Variants in SLC16A10 observed in about 807,000 individuals in gnomAD.
SLC16A10 encodes solute carrier family 16 member 10.
Under a neutral mutation model 40.0 loss-of-function variants are expected in SLC16A10, and 27 were observed. The ratio of observed to expected loss-of-function variants is 0.67; its 90% CI spans 0.50 to 0.93. SLC16A10 has a LOEUF of 0.93. Ranked by LOEUF, SLC16A10 falls within the 40% of genes least tolerant of loss-of-function variation. The probability of loss-of-function intolerance (pLI) is 0.00; values close to 1 mark genes in which losing one functional copy is unlikely to be tolerated. For synonymous variants in SLC16A10, 213 were observed against 249.8 expected, an observed-to-expected ratio of 0.85 and a Z score of 1.39; for missense variants, 529 against 658.2, an observed-to-expected ratio of 0.80 and a Z score of 2.15.
chr6:111,150,904 C>A (rs1483597712), intron 1 of SLC16A10, among the ~76,000 whole-genome samples: 2 of 152,086 alleles, frequency 1.3e-5, no homozygotes, highest in African/African-American at 2.4e-5. Flanking sequence ...TTTTTGATCT[C>A]CACAACATAA....
chr6:111,198,708 GTTA>G, intron 3 of SLC16A10, among the ~76,000 whole-genome samples: 1 of 152,192 alleles, frequency 6.6e-6, no homozygotes, highest in Non-Finnish European at 1.5e-5. Context: ...GACCAGAAAT[GTTA>G]TTATGTAGCA....
chr6:111,148,578 A>C (rs1361637959), intron 1 of SLC16A10, among the ~76,000 whole-genome samples: 1 of 152,206 alleles, frequency 6.6e-6, no homozygotes, highest in Non-Finnish European at 1.5e-5. Flanking sequence ...TGTTTTTAGA[A>C]TATTAAGGCT....
chr6:111,090,711 G>C (rs1015713373), intron 1 of SLC16A10, among the ~76,000 whole-genome samples: 2 of 152,184 alleles, frequency 1.3e-5, no homozygotes, highest in African/African-American at 2.4e-5. Context: ...CTGCTTTGAA[G>C]TTTGATTGGT....
chr6:111,196,046 C>A (rs1773075028), intron 3 of SLC16A10, among the ~76,000 whole-genome samples: 1 of 87,108 alleles, frequency 1.1e-5, no homozygotes, highest in Non-Finnish European at 2.8e-5. Context: ...TAGTGAGATG[C>A]CATCTCTACA....
chr6:111,142,710 C>G (rs920050528), intron 1 of SLC16A10, among the ~76,000 whole-genome samples: 10 of 152,188 alleles, frequency 6.6e-5, no homozygotes, highest in African/African-American at 2.4e-4. Context: ...ATCCAAAACA[C>G]TGACAACACC....
At chr6:111,147,462 T>C (rs942635232) in intron 1 of SLC16A10, among the ~76,000 whole-genome samples, 1 of 152,322 alleles carries the variant, frequency 6.6e-6, no homozygotes, top group Middle Eastern at 3.4e-3. Context: ...ATAATGTGAT[T>C]GGTCAGTACT....
In SLC16A10 at chr6:111,224,981, C is replaced by G. The variant is rs1211648184; in HGVS notation, c.*2746C>G. ...ATTCGAAAGGTTCTGGCATTTGAGGCCAAAAAAAGCATGAAAGGGAGTAAC... is the reference window on the plus strand; with the variant it reads ...ATTCGAAAGGTTCTGGCATTTGAGGGCAAAAAAAGCATGAAAGGGAGTAAC... On this transcript the variant is annotated 3_prime_UTR_variant, in exon 6 of 6. Transcript: ENST00000368851. 1 of 151,864 alleles carries G rather than the reference C, an allele frequency of 6.6e-6. No individual in the cohort carries two copies. The highest frequency in any genetic ancestry group is 2.4e-5 in the African/African-American group (1 of 41,348). The allele number at this position is 151,864 out of a possible 1,614,324, so 9.4% of individuals were successfully genotyped here.
At chr6:111,219,456 A>G (rs990297413) in intron 5 of SLC16A10, among the ~76,000 whole-genome samples, 15 of 151,996 alleles carry the variant, frequency 9.9e-5, no homozygotes, top group Non-Finnish European at 1.5e-4. Flanking sequence ...TTGAGCCCAG[A>G]GGTCAAGGCT....
chr6:111,174,059 A>G (rs1017485168), intron 2 of SLC16A10, among the ~76,000 whole-genome samples: 1 of 152,172 alleles, frequency 6.6e-6, no homozygotes, highest in Non-Finnish European at 1.5e-5. Context: ...CTGCAGCTCT[A>G]GTTCTCCTTG....
chr6:111,141,827 T>A (rs1206188059), intron 1 of SLC16A10, among the ~76,000 whole-genome samples: 2 of 152,220 alleles, frequency 1.3e-5, no homozygotes, highest in Non-Finnish European at 2.9e-5. Flanking sequence ...AGATATTCCA[T>A]GTTCATGGAT....
chr6:111,170,858 C>A (rs1359406753), intron 1 of SLC16A10, among the ~76,000 whole-genome samples: 2 of 152,090 alleles, frequency 1.3e-5, no homozygotes, highest in Non-Finnish European at 2.9e-5. Flanking sequence ...TCTTACTAGT[C>A]TGGGTGTGGT....
At chr6:111,149,800 CTT>C (rs1209084860) in intron 1 of SLC16A10, among the ~76,000 whole-genome samples, 3 of 152,096 alleles carry the variant, frequency 2.0e-5, no homozygotes, top group Non-Finnish European at 4.4e-5. Flanking sequence ...ATATTTAACT[CTT>C]TTTGTGCTAC....
At chr6:111,135,128 C>G (rs1409118865) in intron 1 of SLC16A10, among the ~76,000 whole-genome samples, 2 of 152,166 alleles carry the variant, frequency 1.3e-5, no homozygotes, top group African/African-American at 2.4e-5. Flanking sequence ...CTAGCAAAAG[C>G]AGGGGCCATT....
At chr6:111,114,027 C>T (rs959881094) in intron 1 of SLC16A10, among the ~76,000 whole-genome samples, 1 of 152,204 alleles carries the variant, frequency 6.6e-6, no homozygotes, top group African/African-American at 2.4e-5. Flanking sequence ...ATTCAGACGT[C>T]TGCTGTTCCC....
At chr6:111,118,942 C>T (rs1206053028) in intron 1 of SLC16A10, among the ~76,000 whole-genome samples, 1 of 152,096 alleles carries the variant, frequency 6.6e-6, no homozygotes, top group Non-Finnish European at 1.5e-5. Context: ...AGGAACAGGA[C>T]CAAAAGTCTG....
At chr6:111,199,309 A>G (rs1293522434) in intron 3 of SLC16A10, among the ~76,000 whole-genome samples, 1 of 152,010 alleles carries the variant, frequency 6.6e-6, no homozygotes, top group African/African-American at 2.4e-5. Context: ...AAAACACAAA[A>G]TTAGCTGGGC....
intron 2 of SLC16A10, among the ~76,000 whole-genome samples, chr6:111,174,344 T>C (rs1772639879): frequency 6.6e-6 from 1 of 152,108 alleles, no homozygotes; most frequent in African/African-American, 2.4e-5. Flanking sequence ...AACAGAATCC[T>C]TGGTTTTACT....
At chr6:111,159,098 A>G (rs1227590662) in intron 1 of SLC16A10, among the ~76,000 whole-genome samples, 8 of 142,518 alleles carry the variant, frequency 5.6e-5, no homozygotes, top group Admixed American at 4.9e-4. Flanking sequence ...AAAAAAAAAG[A>G]TGTAAACATT....
chr6:111,088,867 A>G (rs1221548044), intron 1 of SLC16A10, among the ~76,000 whole-genome samples: 1 of 152,174 alleles, frequency 6.6e-6, no homozygotes, highest in Admixed American at 6.5e-5. Context: ...TGGTTAGGCA[A>G]AAAACAAATC....
Sources: allele counts gnomAD v4.1 joint callset (sites outside exome capture counted in the v4.1 genomes callset), GRCh38; gene constraint gnomAD v4.1.1; transcripts MANE v1.5; gene names NCBI Gene and HGNC (gene_info 2026-07-23, HGNC 2026-07-21).